COG1: variants seen among roughly 807,000 people sequenced by gnomAD.
COG1 encodes conserved oligomeric Golgi complex subunit 1.
In COG1, 61 loss-of-function variants were observed where a neutral mutation model predicts 102.2. The ratio of observed to expected loss-of-function variants is 0.60; its 90% CI spans 0.49 to 0.74. The LOEUF (loss-of-function observed/expected upper bound fraction) is 0.74. Among genes scored for constraint, COG1 ranks in the 30% least tolerant of loss-of-function variants. The probability of loss-of-function intolerance (pLI) is 0.00; values close to 1 mark genes in which losing one functional copy is unlikely to be tolerated. For missense variants in COG1, 1,164 were observed against 1,232.1 expected (o/e 0.94, Z 0.83); for synonymous variants, 454 against 493.6 (o/e 0.92, Z 1.06).
At chr17:73,197,633 T>C (rs2061330997) in intron 4 of COG1, among the ~76,000 whole-genome samples, 1 of 152,184 alleles carries the variant, frequency 6.6e-6, no homozygotes, top group Non-Finnish European at 1.5e-5. Context: ...TTAGTACAAG[T>C]TGCCTTGGGA....
At chr17:73,205,154 C>CT in intron 9 of COG1, 1 of 274,588 alleles carries the variant, frequency 3.6e-6, no homozygotes, top group Non-Finnish European at 6.9e-6. Flanking sequence ...CAAGGCGAGA[C>CT]TCTATCTCAA....
In COG1 at chr17:73,203,698, G is replaced by T. The variant is rs530732412; in HGVS notation, c.2287G>T (p.Ala763Ser). 21 of 1,614,224 alleles carry T rather than the reference G, an allele frequency of 1.3e-5. No individual in the cohort carries two copies. In the African/African-American group the frequency reaches 2.8e-4, roughly 22 times the overall value. ...GGAAATTAATCGGGTTGGAGGCCAT[G>T]CCTTGCCAAAGGTGACATTACAGGA... is the stretch of plus-strand genomic sequence containing the variant. The part of the protein sequence containing the change: ...CQEINRVGGH[A>S]LPKVTLQEML... The change falls in exon 9 of 14, where the codon GCC becomes TCC. Residue 763 changes from alanine (A) to serine (S), a missense_variant. Physicochemically the swap from Ala to Ser is moderately conservative, Grantham distance 99 (BLOSUM62 1). Coordinates refer to ENST00000299886, the MANE Select transcript of COG1 (RefSeq NM_018714.3).
chr17:73,201,689 T>G lies in COG1; in HGVS notation c.1862T>G (p.Leu621Arg), dbSNP rs531603931. Reference sequence around the variant, plus strand: ...TTCATGGCCAGACTCTGCCAGTCCCTGGGAGAGCTGTGCCCCCATCTGAAG... The same window carrying G: ...TTCATGGCCAGACTCTGCCAGTCCCGGGGAGAGCTGTGCCCCCATCTGAAG... ...VLFMARLCQSLGELCPHLKQC... is the reference protein window; with the variant it reads ...VLFMARLCQSRGELCPHLKQC... Residue 621 changes from leucine (L) to arginine (R), a missense_variant, in exon 7 of 14, where the codon CTG becomes CGG. Leu to Arg is a moderately radical substitution (Grantham distance 102, BLOSUM62 -2). Coordinates refer to ENST00000299886, the MANE Select transcript of COG1 (RefSeq NM_018714.3). 6.2e-7 allele frequency: 1 copy of G among 1,614,226 alleles called. No homozygotes were observed. The highest frequency in any genetic ancestry group is 2.2e-5 in the East Asian group (1 of 44,878).
At position 73,203,156 on chromosome 17, in the gene COG1, G is replaced by A; in HGVS notation, c.2220+10G>A. ...CCGACTCCCTGCACAGGTGAGCAGG[G>A]ACCATGGGCTGAAAAAGGGAATAAA... is the stretch of plus-strand genomic sequence containing the variant. On this transcript the variant is annotated intron_variant, in intron 8 of 13. Coordinates refer to ENST00000299886, the MANE Select transcript of COG1 (RefSeq NM_018714.3). The A allele has an allele frequency of 2.5e-6, 4 of 1,614,046 alleles. No homozygotes were observed. Among genetic ancestry groups the A allele is most frequent in the Non-Finnish European group, 3.4e-6 (4 of 1,179,986 alleles).
intron 4 of COG1, among the ~76,000 whole-genome samples, chr17:73,198,124 CACGA>C (rs1338608974): frequency 6.6e-6 from 1 of 152,160 alleles, no homozygotes; most frequent in Non-Finnish European, 1.5e-5. Context: ...AGGCTGTTGC[CACGA>C]TCCAGGTGTC....
Position 73,196,916 on chromosome 17 carries a change from G to C in COG1, c.577G>C (p.Glu193Gln), listed in dbSNP as rs750361604. ...TTTTTCTAGGTCAACTATTCTGCAT[G>C]AAAGCAAGATGTTGCTCAAATGCCA... ...ASHFRSTILH[E>Q]SKMLLKCQGV... Residue 193 changes from glutamate to glutamine, a missense_variant, in exon 3 of 14, where the codon GAA becomes CAA. By Grantham distance (29) the Glu-to-Gln change is conservative. Coordinates refer to ENST00000299886, the MANE Select transcript of COG1 (RefSeq NM_018714.3). 6.2e-7 allele frequency: 1 copy of C among 1,614,230 alleles called. No homozygotes were observed. Among genetic ancestry groups the C allele is most frequent in the Non-Finnish European group, 8.5e-7 (1 of 1,180,036 alleles).
intron 6 of COG1, 23 bp downstream of exon 6, chr17:73,200,799 C>G (rs1400751762): frequency 6.2e-7 from 1 of 1,601,668 alleles, no homozygotes; most frequent in Non-Finnish European, 8.6e-7. Flanking sequence ...GTCACATGGT[C>G]TACCTGTTTT....
intron 4 of COG1, among the ~76,000 whole-genome samples, chr17:73,197,916 A>T (rs559709079): frequency 6.6e-6 from 1 of 152,240 alleles, no homozygotes. Context: ...AGGCTAGGGA[A>T]TTTAGACTTT....
rs369091159 is a variant in COG1, at chr17:73,207,204, T to G, written c.2753T>G (p.Met918Arg). The change falls in exon 13 of 14, where the codon ATG becomes AGG. Residue 918 changes from methionine to arginine, a missense_variant. Physicochemically the swap from Met to Arg is moderately conservative, Grantham distance 91. Coordinates refer to ENST00000299886, the MANE Select transcript of COG1 (RefSeq NM_018714.3). Reference protein sequence around the residue: ...QIRFGLLPLSMTSTRKAKSTR... With the variant: ...QIRFGLLPLSRTSTRKAKSTR... ...AGGTTTGGACTTCTCCCACTGAGCA[T>G]GACAAGCACTCGAAAGGCTAAATCA... 1.1e-5 allele frequency: 18 copies of G among 1,613,212 alleles called. No homozygotes were observed. The highest frequency in any genetic ancestry group is 1.5e-5 in the Non-Finnish European group (18 of 1,179,898).
At position 73,197,385 on chromosome 17, in the gene COG1, A is replaced by G; in HGVS notation, c.902A>G (p.Gln301Arg). Reference protein sequence around the residue: ...LFSTLETITGQHPAGKGTGVL... With the variant: ...LFSTLETITGRHPAGKGTGVL... ...TCTACTCTGGAGACCATCACAGGCC[A>G]GCATCCTGCCGGTGAGCTCTTAGCC... is the stretch of plus-strand genomic sequence containing the variant. Residue 301 changes from glutamine to arginine, a missense_variant, in exon 4 of 14, where the codon CAG (glutamine) becomes CGG (arginine). Coordinates refer to ENST00000299886, the MANE Select transcript of COG1 (RefSeq NM_018714.3). The G allele has an allele frequency of 1.2e-6, 2 of 1,614,160 alleles. No homozygotes were observed. The highest frequency in any genetic ancestry group is 8.5e-7 in the Non-Finnish European group (1 of 1,180,042).
intron 8 of COG1, 98 bp from the exon 9 acceptor site, chr17:73,203,534 C>T (rs1320176782): frequency 1.4e-5 from 21 of 1,449,454 alleles, no homozygotes; most frequent in Admixed American, 6.8e-5. Context: ...GGGTCAAAGT[C>T]CTGGCACATA....
chr17:73,206,502 A>G (rs1351204957), intron 11 of COG1, among the ~76,000 whole-genome samples: 14 of 152,338 alleles, frequency 9.2e-5, no homozygotes, highest in Non-Finnish European at 2.9e-5. Flanking sequence ...TCCAGGCCTC[A>G]GAAAGAGGAA....
intron 11 of COG1, 107 bp downstream of exon 11, chr17:73,206,369 G>C: frequency 1.1e-6 from 1 of 892,316 alleles, no homozygotes; most frequent in Middle Eastern, 2.1e-4. Flanking sequence ...CATAGGGAGG[G>C]GAATAAGACA....
rs1408550978 is a variant in COG1 at position 73,203,742 on chromosome 17, G to A, written c.2331G>A (p.Met777Ile). The change falls in exon 9 of 14, where the codon ATG (methionine) becomes ATA (isoleucine). Residue 777 changes from methionine to isoleucine, a missense_variant. Coordinates refer to ENST00000299886, the MANE Select transcript of COG1 (RefSeq NM_018714.3). ...TACAGGAGATGCTGAAAAGCTGTATGGTTCAAGTAGTAGCTGCCTATGAGA... is the reference window on the plus strand; with the variant it reads ...TACAGGAGATGCTGAAAAGCTGTATAGTTCAAGTAGTAGCTGCCTATGAGA... ...VTLQEMLKSCMVQVVAAYEKL... is the reference protein window; with the variant it reads ...VTLQEMLKSCIVQVVAAYEKL... 6.2e-7 allele frequency: 1 copy of A among 1,614,208 alleles called. No individual in the cohort carries two copies. Among genetic ancestry groups the A allele is most frequent in the Non-Finnish European group, 8.5e-7 (1 of 1,180,034 alleles).
In COG1 at chr17:73,204,287, C is replaced by T. The variant is rs575538443; in HGVS notation, c.2382+494C>T. Among the ~76,000 whole-genome samples, 38 of 152,320 alleles carry T rather than the reference C, an allele frequency of 2.5e-4. No homozygotes were observed. The Middle Eastern group carries it at 0.027, about 109-fold the overall frequency. ...TGGGGGCTCCGGGCAAATCATTAAC[C>T]TCCGTTTCCTTAGGGCCAAATGTGA... On this transcript the variant is annotated intron_variant, in intron 9 of 13. Coordinates refer to ENST00000299886, the MANE Select transcript of COG1 (RefSeq NM_018714.3).
In COG1 at chr17:73,196,312, A is replaced by G. The variant is rs896578794; in HGVS notation, c.316-195A>G. 2.6e-5 allele frequency among the ~76,000 whole-genome samples: 4 copies of G among 152,062 alleles called. No homozygotes were observed. In the East Asian group the frequency reaches 7.7e-4, roughly 29 times the overall value. On this transcript the variant is annotated intron_variant, in intron 1 of 13. Coordinates refer to ENST00000299886, the MANE Select transcript of COG1 (RefSeq NM_018714.3). The stretch of plus-strand genomic sequence containing the variant: ...AAAAATGCACGCGTGTGTAGGAAAA[A>G]CCATGGGATCTTACAACACTCCTGA...
At position 73,193,485 on chromosome 17, in the gene COG1, A is replaced by C. The variant is rs528947661; in HGVS notation, c.315+101A>C. 296 of 1,211,192 alleles carry C rather than the reference A, an allele frequency of 2.4e-4. 1 individual carries two copies. Among genetic ancestry groups the C allele is most frequent in the Non-Finnish European group, 3.1e-4 (286 of 929,956 alleles). 75.0% of individuals were successfully genotyped at this position (1,211,192 alleles called of 1,614,324 possible). On this transcript the variant is annotated intron_variant, in intron 1 of 13. Coordinates refer to ENST00000299886, the MANE Select transcript of COG1 (RefSeq NM_018714.3). ...CCCTCTGTCAGTCCCAGACCCCGCG[A>C]GTCCTCACCTTCCTTAGCCAGGAGC... is the stretch of plus-strand genomic sequence containing the variant.
chr17:73,201,178 G>A lies in COG1; in HGVS notation c.1351G>A (p.Glu451Lys). 2 of 1,614,152 alleles carry A rather than the reference G, an allele frequency of 1.2e-6. No individual in the cohort carries two copies. The highest frequency in any genetic ancestry group is 1.7e-6 in the Non-Finnish European group (2 of 1,179,994). ...GGAGCTCTTGGTTTCAGCTTTGCAG[G>A]AACTTGAAAGCAGCACCAGCAACTC... ...SKELLVSALQ[E>K]LESSTSNSPS... The change falls in exon 7 of 14, where the codon GAA becomes AAA. Residue 451 changes from glutamate (E) to lysine (K), a missense_variant. Transcript: ENST00000299886.
At chr17:73,208,093 G>T in intron 13 of COG1, 1 of 1,440,392 alleles carries the variant, frequency 6.9e-7, no homozygotes, top group Non-Finnish European at 9.1e-7. Flanking sequence ...CTTTTCCCAA[G>T]ACAGTCCTCA....
Sources: gnomAD v4.1 joint callset for allele counts (sites outside exome capture counted in the v4.1 genomes callset) on GRCh38, gnomAD v4.1.1 for gene constraint, MANE v1.5 for transcripts, NCBI Gene and HGNC (gene_info 2026-07-23, HGNC 2026-07-21) for gene names.